The following RUNX3 variants were observed in gnomAD, a reference collection of about 807,000 sequenced individuals.
The protein encoded by RUNX3 is runt-related transcription factor 3.
In RUNX3, 10 loss-of-function variants were observed where a neutral mutation model predicts 27.7. That is an observed-to-expected ratio of 0.36 (90% CI 0.22 to 0.61). The LOEUF is 0.61. RUNX3 is among the 20% of genes least tolerant of loss of function. The probability of loss-of-function intolerance (pLI) is 0.72; values close to 1 mark genes in which losing one functional copy is unlikely to be tolerated. For missense variants in RUNX3, 469 were observed against 629.5 expected (o/e 0.75, Z 2.73); for synonymous variants, 270 against 269.2 (o/e 1.00, Z -0.03).
At chr1:24,917,487 CAT>C (rs1030045089) in intron 3 of RUNX3, among the ~76,000 whole-genome samples, 46 of 152,264 alleles carry the variant, frequency 3.0e-4, no homozygotes, top group South Asian at 1.2e-3. Flanking sequence ...GTGCTGTCCA[CAT>C]GTCGCCCCTG....
chr1:24,927,531 G>C lies in RUNX3; in HGVS notation c.439+43C>G. The C allele has an allele frequency of 6.2e-7, 1 of 1,602,782 alleles. No homozygotes were observed. Among genetic ancestry groups the C allele is most frequent in the Non-Finnish European group, 8.5e-7 (1 of 1,170,026 alleles). The stretch of plus-strand genomic sequence containing the variant: ...TTCAACCTCCTTCCCTGCTGCCCCT[G>C]CCATTGCCAATGCTGAAATGGCGAG... On this transcript the variant is annotated intron_variant, in intron 2 of 4. Transcript: ENST00000308873. This position sits in a 1 kb window ranked among gnomAD's most constrained non-coding sequence, Gnocchi z 5.0.
chr1:24,915,140 G>C (rs141542202), intron 3 of RUNX3, among the ~76,000 whole-genome samples: 6 of 152,332 alleles, frequency 3.9e-5, no homozygotes, highest in African/African-American at 1.4e-4. Flanking sequence ...TAAACAACAG[G>C]GGGCCGGGTG....
At chr1:24,913,582 C>T (rs1255140877) in intron 3 of RUNX3, among the ~76,000 whole-genome samples, 1 of 152,244 alleles carries the variant, frequency 6.6e-6, no homozygotes, top group East Asian at 1.9e-4. Context: ...CTCTCTGATG[C>T]GTCTGTGCAG....
chr1:24,929,734 T>G lies in RUNX3; in HGVS notation c.135A>C (p.Gly45=), dbSNP rs1305633357. 4 of 1,493,362 alleles carry G rather than the reference T, an allele frequency of 2.7e-6. No individual in the cohort carries two copies. The South Asian group carries it at 5.1e-5, about 19-fold the overall frequency. 92.5% of individuals were successfully genotyped at this position (1,493,362 alleles called of 1,614,324 possible). Residue 45 remains glycine (G), a synonymous_variant, in exon 1 of 5, where the codon GGA becomes GGC. Coordinates refer to ENST00000308873, the MANE Select transcript of RUNX3 (RefSeq NM_004350.3). The part of the protein sequence containing the change: ...ALSAQAAVGP[G]GRARPEVRSM... ...AGCGCACCTCGGGCCGGGCGCGCCC[T>G]CCGGGCCCCACGGCCGCCTGCGCGC...
At chr1:24,957,287 A>C (rs1438169711) in intron 2 of RUNX3, among the ~76,000 whole-genome samples, 2 of 152,230 alleles carry the variant, frequency 1.3e-5, no homozygotes, top group Non-Finnish European at 2.9e-5. Flanking sequence ...GAAGTGAGGG[A>C]GAAGCTGGAA....
chr1:24,953,363 G>GAA (rs71577738), intron 2 of RUNX3, among the ~76,000 whole-genome samples: 101 of 60,300 alleles, frequency 1.7e-3, no homozygotes, highest in Middle Eastern at 0.013. Flanking sequence ...GACTCCGTCT[G>GAA]AAAAAAAAAA....
intron 2 of RUNX3, among the ~76,000 whole-genome samples, chr1:24,953,821 C>T (rs1292370357): frequency 2.6e-5 from 4 of 152,164 alleles, no homozygotes; most frequent in Non-Finnish European, 4.4e-5. Flanking sequence ...CCAACTATTC[C>T]GAAATCTGAC....
intron 4 of RUNX3, 54 bp downstream of exon 4, chr1:24,907,205 C>T (rs1468584078): frequency 4.5e-6 from 7 of 1,563,598 alleles, no homozygotes; most frequent in African/African-American, 2.7e-5. Context: ...TGGACCACAT[C>T]GAGGCCCTCC....
Position 24,930,010 on chromosome 1 carries a change from G to T in RUNX3, c.-142C>A. The T allele has an allele frequency of 2.7e-6, 3 of 1,122,518 alleles. No individual in the cohort carries two copies. Among genetic ancestry groups the T allele is most frequent in the Non-Finnish European group, 3.3e-6 (3 of 919,972 alleles). 69.5% of individuals were successfully genotyped at this position (1,122,518 alleles called of 1,614,324 possible). On this transcript the variant is annotated 5_prime_UTR_variant, in exon 1 of 5. Transcript: ENST00000308873. This position sits in a 1 kb window ranked among gnomAD's most constrained non-coding sequence, Gnocchi z 4.1. ...GGGGCCCGGGCCTCAGGGCGCAGGG[G>T]GCGGCGCCCGGCCACTACTCGCCAG...
Position 24,904,014 on chromosome 1 carries a change from G to A in RUNX3, c.704-1348C>T, listed in dbSNP as rs150304400. Among the ~76,000 whole-genome samples the A allele has an allele frequency of 6.6e-6, 1 of 152,164 alleles. No homozygotes were observed. The highest frequency in any genetic ancestry group is 6.5e-5 in the Admixed American group (1 of 15,276). ...TGTGGCTGTGGTGTCTCTTACTCTG[G>A]GTACCCAGGAGAACTGGCTCATTCA... On this transcript the variant is annotated intron_variant, in intron 4 of 4. Coordinates refer to ENST00000308873, the MANE Select transcript of RUNX3 (RefSeq NM_004350.3). This position sits in a 1 kb window ranked among gnomAD's most constrained non-coding sequence, Gnocchi z 5.7.
In RUNX3 at chr1:24,899,838, T is replaced by C. The variant is rs965455125; in HGVS notation, c.*2284A>G. The C allele has an allele frequency of 1.3e-5, 2 of 152,472 alleles. No individual in the cohort carries two copies. Among genetic ancestry groups the C allele is most frequent in the Non-Finnish European group, 2.9e-5 (2 of 68,052 alleles). The allele number at this position is 152,472 out of a possible 1,614,324, so 9.4% of individuals were successfully genotyped here. A position where few individuals can be genotyped will look rare whatever the true frequency, so the allele number is the denominator to read the frequency against. On this transcript the variant is annotated 3_prime_UTR_variant, in exon 5 of 5. Transcript: ENST00000308873. The stretch of plus-strand genomic sequence containing the variant: ...TGCTTCCTACATCAGTGTGTTTGCC[T>C]AGTACAACTTTAACGCAGCCTTGTA...
rs1392267610 is a variant in RUNX3, at chr1:24,916,393, C to T, written c.544+2847G>A. ...TCCAAGTGGCCCTCACTTCCCGCAG[C>T]CCCCGGGTCGGAGCCCCCAGGGTGT... On this transcript the variant is annotated intron_variant, in intron 3 of 4. Transcript: ENST00000308873. The surrounding 1 kb of genome is among the most constrained non-coding windows in gnomAD (Gnocchi z 4.8). Among the ~76,000 whole-genome samples, 1 of 151,584 alleles carries T rather than the reference C, an allele frequency of 6.6e-6. No homozygotes were observed. The highest frequency in any genetic ancestry group is 2.4e-5 in the African/African-American group (1 of 40,826).
chr1:24,956,491 A>G (rs921145744), intron 2 of RUNX3, among the ~76,000 whole-genome samples: 1 of 152,168 alleles, frequency 6.6e-6, no homozygotes, highest in South Asian at 2.1e-4. Flanking sequence ...GGGAAGGGAT[A>G]TAGCTGCTCT....
intron 3 of RUNX3, among the ~76,000 whole-genome samples, chr1:24,911,561 C>T (rs1164665733): frequency 6.6e-6 from 1 of 152,212 alleles, no homozygotes; most frequent in Non-Finnish European, 1.5e-5. Context: ...GGGTCACCAC[C>T]ATCATGACCA....
At chr1:24,953,226 G>A (rs543385193) in intron 2 of RUNX3, among the ~76,000 whole-genome samples, 146 of 151,926 alleles carry the variant, frequency 9.6e-4, no homozygotes, top group Admixed American at 3.5e-3. Context: ...TTAGCCAGGC[G>A]TAGTGGCGGG....
chr1:24,955,298 A>G (rs1159428490), intron 2 of RUNX3, among the ~76,000 whole-genome samples: 3 of 152,144 alleles, frequency 2.0e-5, no homozygotes, highest in African/African-American at 7.2e-5. Flanking sequence ...GCCAAGGAAG[A>G]GAAGATATCT....
upstream of RUNX3, among the ~76,000 whole-genome samples, chr1:24,932,800 T>A (rs2124317386): frequency 6.6e-6 from 1 of 152,292 alleles, no homozygotes; most frequent in East Asian, 1.9e-4. Flanking sequence ...CCAGTTGGCA[T>A]GGACCGTCGT....
At chr1:24,917,138 C>A (rs904159139) in intron 3 of RUNX3, among the ~76,000 whole-genome samples, 5 of 152,204 alleles carry the variant, frequency 3.3e-5, no homozygotes, top group African/African-American at 1.2e-4. Flanking sequence ...TGGATCTTCC[C>A]ACCAAGCGTC....
At chr1:24,938,239 C>T (rs1307266110) in intron 2 of RUNX3, among the ~76,000 whole-genome samples, 1 of 152,206 alleles carries the variant, frequency 6.6e-6, no homozygotes, top group Admixed American at 6.5e-5. Flanking sequence ...GACTCCCCTT[C>T]AGGGAGATAA....
Sources: allele counts gnomAD v4.1 joint callset (sites outside exome capture counted in the v4.1 genomes callset), GRCh38; gene constraint gnomAD v4.1.1; non-coding constraint Gnocchi (gnomAD v3.1); transcripts MANE v1.5; gene names NCBI Gene and HGNC (gene_info 2026-07-23, HGNC 2026-07-21).